Variants in LINGO2 observed in about 807,000 individuals in gnomAD.
The protein encoded by LINGO2 is leucine rich repeat and Ig domain containing 2.
In LINGO2, 14 loss-of-function variants were observed where a neutral mutation model predicts 30.6. That is an observed-to-expected ratio of 0.46 (90% CI 0.30 to 0.72). The LOEUF (loss-of-function observed/expected upper bound fraction) is 0.72, where lower values mean the gene tolerates loss of function less well. Among genes scored for constraint, LINGO2 ranks in the 30% least tolerant of loss-of-function variants. The pLI, the probability that LINGO2 is intolerant of heterozygous loss-of-function variation, is 0.07. For missense variants in LINGO2, 729 were observed against 751.7 expected (o/e 0.97, Z 0.35); for synonymous variants, 317 against 288.5 (o/e 1.10, Z -1.00).
intron 4 of LINGO2, among the ~76,000 whole-genome samples, chr9:28,141,455 T>A (rs1333062292): frequency 1.3e-5 from 2 of 152,194 alleles, no homozygotes; most frequent in Non-Finnish European, 2.9e-5. Context: ...AAAAGAAATG[T>A]TTACCTAAAA....
chr9:28,619,452 C>T (rs10968679), intron 1 of LINGO2, among the ~76,000 whole-genome samples: 22,085 of 152,018 alleles, frequency 0.15, 1,779 homozygotes, highest in East Asian at 0.22. Context: ...AATTTTCTTA[C>T]GCCACTTCTT....
the LINGO2 span, among the ~76,000 whole-genome samples, chr9:29,147,406 C>T: frequency 1.3e-5 from 2 of 152,022 alleles, no homozygotes; most frequent in Admixed American, 6.5e-5. Flanking sequence ...TATTAATCTC[C>T]AAGCTTAATT....
chr9:28,697,873 A>C, the LINGO2 span, among the ~76,000 whole-genome samples: 3 of 152,102 alleles, frequency 2.0e-5, no homozygotes, highest in African/African-American at 7.2e-5. Context: ...TGTTGCAAAG[A>C]AGCATACAAC....
chr9:28,667,753 A>C (rs532051128), intron 1 of LINGO2, among the ~76,000 whole-genome samples: 1 of 152,254 alleles, frequency 6.6e-6, no homozygotes, highest in African/African-American at 2.4e-5. Flanking sequence ...AAACAAAAAC[A>C]AAAACAAAAA....
At chr9:28,314,125 G>C (rs1357200796) in intron 3 of LINGO2, among the ~76,000 whole-genome samples, 1 of 152,064 alleles carries the variant, frequency 6.6e-6, no homozygotes. Flanking sequence ...TACTAGAGAC[G>C]GGGTTTCACC....
chr9:28,472,174 A>C (rs573961687), intron 2 of LINGO2, among the ~76,000 whole-genome samples: 2 of 152,214 alleles, frequency 1.3e-5, no homozygotes, highest in African/African-American at 4.8e-5. Context: ...CTATTCATTT[A>C]TGATTTGTGC....
At chr9:28,307,575 G>T (rs1277416493) in intron 3 of LINGO2, among the ~76,000 whole-genome samples, 1 of 152,112 alleles carries the variant, frequency 6.6e-6, no homozygotes, top group Non-Finnish European at 1.5e-5. Flanking sequence ...GGAAGTTCTC[G>T]CCAGGGCAAT....
At chr9:28,920,309 T>TAA in the LINGO2 span, among the ~76,000 whole-genome samples, 1 of 151,576 alleles carries the variant, frequency 6.6e-6, no homozygotes, top group Admixed American at 6.6e-5. Context: ...TATATATATA[T>TAA]AATAAAATTT....
chr9:28,875,987 T>C, the LINGO2 span, among the ~76,000 whole-genome samples: 10 of 152,092 alleles, frequency 6.6e-5, no homozygotes, highest in Admixed American at 2.0e-4. Flanking sequence ...TCATGTTTTA[T>C]ATTTTCCAAA....
Position 28,409,989 on chromosome 9 carries a change from A to G in LINGO2, c.-278-37121T>C, listed in dbSNP as rs144400316. ...GAGGGAGGGAGAGAAATAAAGGGAG[A>G]AGGAAAGGAAGAGGGCTGAAGGGAG... On this transcript the variant is annotated intron_variant, in intron 2 of 5. Transcript: ENST00000379992. 7.4e-4 allele frequency among the ~76,000 whole-genome samples: 108 copies of G among 146,516 alleles called. 1 individual carries two copies. Among genetic ancestry groups the G allele is most frequent in the African/African-American group, 2.5e-3 (95 of 38,260 alleles).
At chr9:28,499,256 G>A (rs1819787532) in intron 1 of LINGO2, among the ~76,000 whole-genome samples, 1 of 152,184 alleles carries the variant, frequency 6.6e-6, no homozygotes, top group Admixed American at 6.5e-5. Flanking sequence ...GGCACTCAAA[G>A]TAGAATATGG....
the LINGO2 span, among the ~76,000 whole-genome samples, chr9:28,841,318 A>G: frequency 1.3e-5 from 2 of 151,806 alleles, 1 homozygote; most frequent in African/African-American, 4.9e-5. Context: ...GCGGATGAAC[A>G]AAAGATTGGC....
At chr9:28,548,428 G>A (rs551607141) in intron 1 of LINGO2, among the ~76,000 whole-genome samples, 47 of 152,014 alleles carry the variant, frequency 3.1e-4, no homozygotes, top group African/African-American at 7.2e-4. Flanking sequence ...ATTTGGGGCC[G>A]GGTGTGGTGG....
At chr9:28,210,531 T>C (rs1222809269) in intron 4 of LINGO2, among the ~76,000 whole-genome samples, 2 of 151,720 alleles carry the variant, frequency 1.3e-5, no homozygotes, top group Non-Finnish European at 1.5e-5. Context: ...TTTTGTGCCA[T>C]TACAATTAAC....
At chr9:28,290,266 A>C (rs895445987) in intron 4 of LINGO2, among the ~76,000 whole-genome samples, 1 of 152,164 alleles carries the variant, frequency 6.6e-6, no homozygotes, top group African/African-American at 2.4e-5. Context: ...GCGCTGTATT[A>C]AGTATTGGTC....
chr9:28,049,296 G>A (rs754834662), intron 4 of LINGO2, among the ~76,000 whole-genome samples: 1 of 150,932 alleles, frequency 6.6e-6, no homozygotes, highest in South Asian at 2.1e-4. Context: ...TTGGTCTAGT[G>A]GAGGTAGACA....
the LINGO2 span, among the ~76,000 whole-genome samples, chr9:29,044,707 T>G: frequency 1.1e-3 from 173 of 152,030 alleles, no homozygotes; most frequent in Non-Finnish European, 2.0e-3. Flanking sequence ...TATAGTAGAG[T>G]GATTAAATAA....
At chr9:29,009,696 G>T in the LINGO2 span, among the ~76,000 whole-genome samples, 492 of 152,082 alleles carry the variant, frequency 3.2e-3, 2 homozygotes, top group African/African-American at 0.011. Flanking sequence ...AGTTCATATG[G>T]AACCAAAAAA....
chr9:28,802,034 AT>A, the LINGO2 span, among the ~76,000 whole-genome samples: 1 of 151,848 alleles, frequency 6.6e-6, no homozygotes, highest in Non-Finnish European at 1.5e-5. Flanking sequence ...AACAAAAGTT[AT>A]GCATAGCATA....
Sources: allele counts gnomAD v4.1 joint callset (sites outside exome capture counted in the v4.1 genomes callset), GRCh38; gene constraint gnomAD v4.1.1; transcripts MANE v1.5; gene names NCBI Gene and HGNC (gene_info 2026-07-23, HGNC 2026-07-21).